TMEM255B: variants seen among roughly 807,000 people sequenced by gnomAD.
TMEM255B encodes the protein family with sequence similarity 70, member B.
In TMEM255B, 35 loss-of-function variants were observed where a neutral mutation model predicts 34.5. The ratio of observed to expected loss-of-function variants is 1.01; its 90% CI spans 0.77 to 1.34. The LOEUF is 1.34. TMEM255B is among the 40% of genes most tolerant of loss of function. The pLI, the probability that TMEM255B is intolerant of heterozygous loss-of-function variation, is 0.00. For missense variants in TMEM255B, 432 were observed against 433.2 expected, an observed-to-expected ratio of 1.00 and a Z score of 0.02; for synonymous variants, 206 against 201.2, an observed-to-expected ratio of 1.02 and a Z score of -0.20.
chr13:113,765,292 C>A (rs2050370808), intron 1 of TMEM255B, among the ~76,000 whole-genome samples: 2 of 152,330 alleles, frequency 1.3e-5, no homozygotes, highest in South Asian at 2.1e-4. Flanking sequence ...TTGTGAAACT[C>A]ATTTCTGAGG....
intron 3 of TMEM255B, among the ~76,000 whole-genome samples, chr13:113,784,682 C>T (rs1010942071): frequency 3.3e-5 from 5 of 152,224 alleles, no homozygotes; most frequent in African/African-American, 4.8e-5. Flanking sequence ...GGAGTAGCCC[C>T]GGCCCAAGCC....
intron 3 of TMEM255B, among the ~76,000 whole-genome samples, chr13:113,790,357 C>T (rs1359620796): frequency 1.8e-5 from 2 of 108,422 alleles, no homozygotes; most frequent in African/African-American, 5.9e-5. Flanking sequence ...CATCCTAGCA[C>T]TGAACTGACT....
In TMEM255B at chr13:113,795,165, G is replaced by C; in HGVS notation, c.270G>C (p.Val90=). ...TGTTGCAGCTGGTGGCAGCGATCGTGTTTATCAGTTTTGGCGTGGTGGCCG... is the reference window on the plus strand; with the variant it reads ...TGTTGCAGCTGGTGGCAGCGATCGTCTTTATCAGTTTTGGCGTGGTGGCCG... ...NRRQMLVAAI[V]FISFGVVAAF... is the part of the protein sequence containing the mutation. Residue 90 remains valine, a synonymous_variant, in exon 4 of 9, where the codon GTG becomes GTC. Transcript: ENST00000375353. 1.2e-6 allele frequency: 2 copies of C among 1,614,006 alleles called. No homozygotes were observed. The highest frequency in any genetic ancestry group is 1.7e-6 in the Non-Finnish European group (2 of 1,179,982).
chr13:113,805,660 C>T (rs776105192), intron 8 of TMEM255B, among the ~76,000 whole-genome samples: 8 of 152,224 alleles, frequency 5.3e-5, no homozygotes, highest in South Asian at 2.1e-4. Context: ...GCTGGCCAAC[C>T]GCTGTGCTGG....
At chr13:113,790,090 A>G (rs1199298127) in intron 3 of TMEM255B, among the ~76,000 whole-genome samples, 2 of 151,144 alleles carry the variant, frequency 1.3e-5, no homozygotes, top group Non-Finnish European at 2.9e-5. Context: ...GGGCACATGG[A>G]CATCCTAGTG....
intron 7 of TMEM255B, 30 bp from the exon 8 acceptor site, chr13:113,804,855 C>T (rs752964611): frequency 1.1e-5 from 18 of 1,578,004 alleles, no homozygotes; most frequent in Middle Eastern, 1.7e-4. Context: ...AGGGGGTACA[C>T]GCCGACCACC....
In TMEM255B at chr13:113,811,938, T is replaced by C; in HGVS notation, c.*35T>C. On this transcript the variant is annotated 3_prime_UTR_variant, in exon 9 of 9. Coordinates refer to ENST00000375353, the MANE Select transcript of TMEM255B (RefSeq NM_182614.4). ...GGAGTAAAAGATAACTTGTTTGTTT[T>C]TTTTTTTAAAAAAAAGGCAGCCTCT... is the stretch of plus-strand genomic sequence containing the variant. 1 of 1,534,880 alleles carries C rather than the reference T, an allele frequency of 6.5e-7. No homozygotes were observed. Among genetic ancestry groups the C allele is most frequent in the Non-Finnish European group, 8.7e-7 (1 of 1,146,108 alleles).
intron 3 of TMEM255B, among the ~76,000 whole-genome samples, chr13:113,779,206 C>T (rs754992878): frequency 1.3e-5 from 2 of 152,026 alleles, no homozygotes; most frequent in South Asian, 2.1e-4. Flanking sequence ...TGATGTTTTG[C>T]GGCTGGATTT....
intron 3 of TMEM255B, among the ~76,000 whole-genome samples, chr13:113,794,610 G>A (rs1351383273): frequency 6.6e-6 from 1 of 152,086 alleles, no homozygotes; most frequent in East Asian, 1.9e-4. Flanking sequence ...TTTAGGGTTA[G>A]GGCAGGACAC....
intron 3 of TMEM255B, among the ~76,000 whole-genome samples, chr13:113,776,324 C>T (rs1248765726): frequency 6.6e-6 from 1 of 152,204 alleles, no homozygotes; most frequent in Non-Finnish European, 1.5e-5. Context: ...TCAACCAAGT[C>T]CCAGGTTTTA....
At chr13:113,799,851 C>T (rs997051161) in intron 5 of TMEM255B, 18 of 748,776 alleles carry the variant, frequency 2.4e-5, no homozygotes, top group East Asian at 4.7e-5. Context: ...GACCCGCGGG[C>T]GGCCGCCGCC....
rs374442405 is a variant in TMEM255B at position 113,814,905 on chromosome 13, G to C, written c.*3002G>C. 6.7e-4 allele frequency: 100 copies of C among 149,802 alleles called. No homozygotes were observed. The highest frequency in any genetic ancestry group is 2.4e-3 in the African/African-American group (99 of 40,636). The allele number at this position is 149,802 out of a possible 1,614,324, so 9.3% of individuals were successfully genotyped here. On this transcript the variant is annotated 3_prime_UTR_variant, in exon 9 of 9. Coordinates refer to ENST00000375353, the MANE Select transcript of TMEM255B (RefSeq NM_182614.4). ...GGGTGCTGTGGCCCCGGGGCAGGGG[G>C]TGCTGGGGGGTTTGGGGTGCTGTGG...
At chr13:113,800,649 G>A (rs556839963) in intron 5 of TMEM255B, among the ~76,000 whole-genome samples, 178 bp from the exon 6 acceptor site, 6 of 152,260 alleles carry the variant, frequency 3.9e-5, no homozygotes, top group Non-Finnish European at 7.4e-5. Flanking sequence ...TGCAGGAAGG[G>A]TCCTGGCCCC....
chr13:113,774,121 C>G (rs567575648), intron 3 of TMEM255B, among the ~76,000 whole-genome samples: 6 of 151,816 alleles, frequency 4.0e-5, no homozygotes, highest in African/African-American at 1.2e-4. Context: ...CTGTTCACCC[C>G]CCGCCTGCTT....
chr13:113,808,794 G>GT (rs1555302341), intron 8 of TMEM255B, among the ~76,000 whole-genome samples: 15 of 102,986 alleles, frequency 1.5e-4, no homozygotes, highest in African/African-American at 6.0e-4. Flanking sequence ...GTGGTTCCTG[G>GT]GGGGGGGGTT....
chr13:113,766,024 C>T, intron 1 of TMEM255B, 91 bp from the exon 2 acceptor site: 1 of 1,557,236 alleles, frequency 6.4e-7, no homozygotes, highest in Non-Finnish European at 8.7e-7. Flanking sequence ...CCCAGGACCC[C>T]TGGGTAACGG....
chr13:113,800,592 C>T (rs1338699580), intron 5 of TMEM255B, among the ~76,000 whole-genome samples: 1 of 152,128 alleles, frequency 6.6e-6, no homozygotes, highest in Non-Finnish European at 1.5e-5. Flanking sequence ...CTCCTCTGAG[C>T]CCCGATTATC....
At chr13:113,766,387 G>A (rs774897896) in intron 2 of TMEM255B, 130 bp downstream of exon 2, 9 of 1,371,232 alleles carry the variant, frequency 6.6e-6, no homozygotes, top group Admixed American at 1.8e-5. Flanking sequence ...GCTTGTGGTC[G>A]GCAGGGTTAT....
Position 113,801,776 on chromosome 13 carries a change from C to G in TMEM255B, c.633C>G (p.Ile211Met). ...ACGTCCTGGGCCTGTTCCTGGGCAT[C>G]ATCACCGCCGCCGTCCTGGGGGCCT... ...VLNVLGLFLG[I>M]ITAAVLGAFK... Residue 211 changes from isoleucine (I) to methionine (M), a missense_variant, in exon 7 of 9, where the codon ATC becomes ATG. Transcript: ENST00000375353. 1 of 1,612,284 alleles carries G rather than the reference C, an allele frequency of 6.2e-7. No homozygotes were observed. Among genetic ancestry groups the G allele is most frequent in the Non-Finnish European group, 8.5e-7 (1 of 1,179,270 alleles).
Sources: gnomAD v4.1 joint callset for allele counts (sites outside exome capture counted in the v4.1 genomes callset) on GRCh38, gnomAD v4.1.1 for gene constraint, MANE v1.5 for transcripts, NCBI Gene and HGNC (gene_info 2026-07-23, HGNC 2026-07-21) for gene names.